Variants in ERG observed in about 807,000 individuals in gnomAD.
ERG encodes transcriptional regulator ERG.
A neutral mutation model predicts 55.3 loss-of-function variants in ERG; 9 were observed. The ratio of observed to expected loss-of-function variants is 0.16; its 90% CI spans 0.10 to 0.28. The LOEUF is 0.28. Among genes scored for constraint, ERG ranks in the 10% least tolerant of loss-of-function variants. The pLI, the probability that ERG is intolerant of heterozygous loss-of-function variation, is 1.00. For missense variants in ERG, 434 were observed against 631.6 expected, an observed-to-expected ratio of 0.69 and a Z score of 3.35; for synonymous variants, 223 against 237.3, an observed-to-expected ratio of 0.94 and a Z score of 0.55.
chr21:38,452,127 C>CT (rs1250920051), intron 1 of ERG, among the ~76,000 whole-genome samples: 2 of 150,126 alleles, frequency 1.3e-5, no homozygotes, highest in Non-Finnish European at 3.0e-5. Context: ...TGAAGTCCAT[C>CT]TAAAGAGAGT....
intron 2 of ERG, among the ~76,000 whole-genome samples, chr21:38,540,198 G>GA (rs1349828433): frequency 1.3e-5 from 2 of 151,498 alleles, no homozygotes; most frequent in African/African-American, 2.4e-5. Flanking sequence ...CCAGTTAAAA[G>GA]AAAAAAAATA....
intron 1 of ERG, among the ~76,000 whole-genome samples, chr21:38,495,049 A>G (rs2059368733): frequency 6.6e-6 from 1 of 152,250 alleles, no homozygotes; most frequent in East Asian, 1.9e-4. Context: ...GAATCCCCCT[A>G]AAGTAACAAG....
chr21:38,503,250 T>C (rs561101173), upstream of ERG, among the ~76,000 whole-genome samples: 2 of 152,284 alleles, frequency 1.3e-5, no homozygotes, highest in East Asian at 3.9e-4. Context: ...TTTGTAAATA[T>C]CTGAAAAATA....
intron 2 of ERG, among the ~76,000 whole-genome samples, chr21:38,508,388 G>A (rs1022064686): frequency 1.5e-4 from 23 of 151,844 alleles, no homozygotes; most frequent in Middle Eastern, 3.4e-3. Context: ...GTAAGCAAGT[G>A]GATAGTCAAT....
chr21:38,570,735 T>A (rs1329243425), intron 2 of ERG, among the ~76,000 whole-genome samples: 1 of 152,230 alleles, frequency 6.6e-6, no homozygotes, highest in East Asian at 1.9e-4. Flanking sequence ...AGCCAGAATG[T>A]GTTCTTATCC....
intron 2 of ERG, among the ~76,000 whole-genome samples, chr21:38,572,246 T>C (rs2146857122): frequency 6.7e-6 from 1 of 148,552 alleles, no homozygotes; most frequent in East Asian, 2.0e-4. Flanking sequence ...CAGGTGCCTG[T>C]AGTCCCAGCT....
At position 38,522,187 on chromosome 21, in the gene ERG, G is replaced by A. The variant is rs77378500; in HGVS notation, c.-41+53475C>T. ...AAATAAATTGCTTTTAAGAAATGCT[G>A]TAAGTAAGCTGTTTCATATATAAGT... On this transcript the variant is annotated intron_variant, in intron 2 of 8. Transcript: ENST00000398897. Among the ~76,000 whole-genome samples the A allele has an allele frequency of 1.0e-2, 1,522 of 152,202 alleles. 10 individuals are homozygous for A. The highest frequency in any genetic ancestry group is 0.016 in the Non-Finnish European group (1,073 of 67,994).
chr21:38,640,810 A>T (rs1392210375), intron 1 of ERG, among the ~76,000 whole-genome samples: 2 of 152,228 alleles, frequency 1.3e-5, no homozygotes, highest in Non-Finnish European at 2.9e-5. Flanking sequence ...TGTATCAACA[A>T]GGAGGTAAAT....
intron 9 of ERG, among the ~76,000 whole-genome samples, 161 bp from the exon 10 acceptor site, chr21:38,384,084 C>T (rs905947651): frequency 2.6e-5 from 4 of 152,230 alleles, no homozygotes; most frequent in African/African-American, 4.8e-5. Context: ...GGACTGCTCT[C>T]GTTCCATGGC....
At chr21:38,522,347 T>C (rs1247197689) in intron 2 of ERG, among the ~76,000 whole-genome samples, 4 of 152,194 alleles carry the variant, frequency 2.6e-5, no homozygotes, top group Non-Finnish European at 5.9e-5. Context: ...TTTCTTATCA[T>C]ATCTATAAAT....
intron 1 of ERG, among the ~76,000 whole-genome samples, chr21:38,477,408 A>C (rs972182780): frequency 6.6e-6 from 1 of 152,118 alleles, no homozygotes; most frequent in South Asian, 2.1e-4. Context: ...TGGTCACAGA[A>C]GGGAGATTTT....
chr21:38,413,503 A>G (rs929044508), intron 3 of ERG, among the ~76,000 whole-genome samples: 3 of 152,166 alleles, frequency 2.0e-5, no homozygotes, highest in African/African-American at 7.2e-5. Flanking sequence ...ATAATCCTCT[A>G]TGAAAGATTC....
chr21:38,463,757 T>C (rs1367902157), intron 1 of ERG, among the ~76,000 whole-genome samples: 3 of 152,168 alleles, frequency 2.0e-5, no homozygotes, highest in Non-Finnish European at 2.9e-5. Context: ...TGTGTGCTGG[T>C]TGGGGGGAAG....
chr21:38,552,435 C>G (rs549220022), intron 2 of ERG, among the ~76,000 whole-genome samples: 1 of 152,144 alleles, frequency 6.6e-6, no homozygotes, highest in South Asian at 2.1e-4. Flanking sequence ...AAATCCTCAA[C>G]AAAATACCAG....
chr21:38,593,192 G>T (rs930635955), intron 1 of ERG, among the ~76,000 whole-genome samples: 1 of 152,132 alleles, frequency 6.6e-6, no homozygotes, highest in African/African-American at 2.4e-5. Context: ...TGGGAACCAG[G>T]GTCTGCCTGG....
chr21:38,636,456 C>T (rs2060389503), intron 1 of ERG, among the ~76,000 whole-genome samples: 1 of 152,114 alleles, frequency 6.6e-6, no homozygotes, highest in Admixed American at 6.5e-5. Context: ...ACTTATTGGG[C>T]TTTTATGCAA....
chr21:38,483,690 T>TACAAACAA (rs112392648), intron 1 of ERG, among the ~76,000 whole-genome samples: 1 of 151,362 alleles, frequency 6.6e-6, no homozygotes. Context: ...CTACTAAAAA[T>TACAAACAA]ACAAACAAAC....
chr21:38,522,519 T>C (rs1332678829), intron 2 of ERG, among the ~76,000 whole-genome samples: 1 of 152,198 alleles, frequency 6.6e-6, no homozygotes, highest in Non-Finnish European at 1.5e-5. Flanking sequence ...CAATAAAAGC[T>C]ATTTGAAAGT....
chr21:38,551,154 T>C (rs542308629), intron 2 of ERG, among the ~76,000 whole-genome samples: 1 of 115,096 alleles, frequency 8.7e-6, no homozygotes, highest in South Asian at 2.6e-4. Context: ...TAATAGTCTC[T>C]GAGGTTTTTT....
Sources: allele counts gnomAD v4.1 joint callset (sites outside exome capture counted in the v4.1 genomes callset), GRCh38; gene constraint gnomAD v4.1.1; transcripts MANE v1.5; gene names NCBI Gene and HGNC (gene_info 2026-07-23, HGNC 2026-07-21).